Variants in ERBB4 observed in about 807,000 individuals in gnomAD.
The protein encoded by ERBB4 is erb-b2 receptor tyrosine kinase 4.
Under a neutral mutation model 158.0 loss-of-function variants are expected in ERBB4, and 42 were observed. The observed-to-expected ratio is 0.27, with a 90% CI of 0.21 to 0.34. The LOEUF (loss-of-function observed/expected upper bound fraction) is 0.34. Ranked by LOEUF, ERBB4 falls within the 10% of genes least tolerant of loss-of-function variation. The probability of loss-of-function intolerance (pLI) is 1.00; values close to 1 mark genes in which losing one functional copy is unlikely to be tolerated. For synonymous variants in ERBB4, 583 were observed against 558.7 expected, an observed-to-expected ratio of 1.04 and a Z score of -0.61; for missense variants, 1,333 against 1,624.1, an observed-to-expected ratio of 0.82 and a Z score of 3.08.
intron 1 of ERBB4, among the ~76,000 whole-genome samples, chr2:212,129,177 A>G (rs2080032464): frequency 6.6e-6 from 1 of 151,682 alleles, no homozygotes; most frequent in Non-Finnish European, 1.5e-5. Context: ...ATTGCAACCT[A>G]TATATAATTT....
At chr2:211,435,236 T>C (rs1247193060) in intron 20 of ERBB4, among the ~76,000 whole-genome samples, 3 of 152,216 alleles carry the variant, frequency 2.0e-5, no homozygotes, top group South Asian at 2.1e-4. Context: ...CCTCATACTC[T>C]GTGCTCTAGC....
chr2:211,663,903 T>C (rs1476096763), intron 15 of ERBB4, among the ~76,000 whole-genome samples: 2 of 152,154 alleles, frequency 1.3e-5, no homozygotes, highest in Non-Finnish European at 2.9e-5. Flanking sequence ...GTTGTTTTTT[T>C]TTGTGAAATA....
intron 20 of ERBB4, among the ~76,000 whole-genome samples, chr2:211,556,401 G>A (rs1484837952): frequency 6.6e-6 from 1 of 152,064 alleles, no homozygotes; most frequent in African/African-American, 2.4e-5. Flanking sequence ...CTTAACAAAG[G>A]TCTTCAGGAC....
intron 1 of ERBB4, among the ~76,000 whole-genome samples, chr2:212,256,510 G>A (rs552806118): frequency 2.0e-5 from 3 of 152,252 alleles, no homozygotes; most frequent in East Asian, 1.9e-4. Flanking sequence ...AGTTACATGC[G>A]TTCTTTTGGA....
chr2:212,275,235 G>T (rs62182623), intron 1 of ERBB4, among the ~76,000 whole-genome samples: 1 of 151,762 alleles, frequency 6.6e-6, no homozygotes, highest in African/African-American at 2.4e-5. Flanking sequence ...ATAAACATAC[G>T]TGTGTATGTC....
intron 19 of ERBB4, among the ~76,000 whole-genome samples, chr2:211,581,918 G>A (rs557048359): frequency 6.6e-6 from 1 of 152,174 alleles, no homozygotes; most frequent in South Asian, 2.1e-4. Flanking sequence ...GCTGAGGCAG[G>A]AGAATCACTT....
intron 20 of ERBB4, among the ~76,000 whole-genome samples, chr2:211,480,771 G>A (rs1384404703): frequency 1.3e-5 from 2 of 152,078 alleles, no homozygotes; most frequent in Non-Finnish European, 2.9e-5. Flanking sequence ...GGAGTGAAAT[G>A]TTTTGTTTAT....
At chr2:211,856,059 C>T (rs144106024) in intron 3 of ERBB4, among the ~76,000 whole-genome samples, 1 of 152,128 alleles carries the variant, frequency 6.6e-6, no homozygotes, top group African/African-American at 2.4e-5. Flanking sequence ...AAGAATTAAC[C>T]ACTACACAGT....
chr2:211,725,722 A>C (rs2074245666), intron 5 of ERBB4, among the ~76,000 whole-genome samples: 1 of 152,182 alleles, frequency 6.6e-6, no homozygotes, highest in Non-Finnish European at 1.5e-5. Context: ...AGGTCCTAGT[A>C]GAAGGTGTCC....
intron 2 of ERBB4, among the ~76,000 whole-genome samples, chr2:212,095,866 C>T (rs1400432558): frequency 6.9e-6 from 1 of 144,712 alleles, no homozygotes; most frequent in African/African-American, 2.5e-5. Context: ...ACCTGGGAGG[C>T]GGAGCTTGCA....
At chr2:212,509,244 G>A (rs1691368511) in intron 1 of ERBB4, among the ~76,000 whole-genome samples, 1 of 152,078 alleles carries the variant, frequency 6.6e-6, no homozygotes, top group Non-Finnish European at 1.5e-5. Context: ...ATCTCAGAGT[G>A]AAAATATGTG....
chr2:212,164,662 C>T (rs922677978), intron 1 of ERBB4, among the ~76,000 whole-genome samples: 2 of 149,524 alleles, frequency 1.3e-5, no homozygotes, highest in East Asian at 1.9e-4. Context: ...AGGTCTGATG[C>T]AATTCCTCAT....
At chr2:211,890,849 G>C (rs2078946274) in intron 3 of ERBB4, among the ~76,000 whole-genome samples, 1 of 65,388 alleles carries the variant, frequency 1.5e-5, no homozygotes, top group South Asian at 5.5e-4. Flanking sequence ...TCAACAAGAA[G>C]AGCTAACTAT....
At chr2:211,497,856 A>T (rs949861043) in intron 20 of ERBB4, among the ~76,000 whole-genome samples, 1 of 152,160 alleles carries the variant, frequency 6.6e-6, no homozygotes, top group African/African-American at 2.4e-5. Flanking sequence ...AAAGTTGCTT[A>T]ATTTTTCACA....
chr2:212,084,088 C>T (rs2078529649), intron 2 of ERBB4, among the ~76,000 whole-genome samples: 1 of 151,838 alleles, frequency 6.6e-6, no homozygotes, highest in East Asian at 1.9e-4. Context: ...TTTTGGATTA[C>T]CCATGGCACA....
rs143681770 is a variant in ERBB4, at chr2:211,959,296, C to T, written c.235-11680G>A. On this transcript the variant is annotated intron_variant, in intron 2 of 27. Coordinates refer to ENST00000342788, the MANE Select transcript of ERBB4 (RefSeq NM_005235.3). ...TACTTCCTTTATCATCTCCAATCTTCGTCTAATGACAAGATTGCCACTAAG... is the reference window on the plus strand; with the variant it reads ...TACTTCCTTTATCATCTCCAATCTTTGTCTAATGACAAGATTGCCACTAAG... Among the ~76,000 whole-genome samples the T allele has an allele frequency of 6.2e-3, 936 of 152,184 alleles. 8 individuals are homozygous for T. The highest frequency in any genetic ancestry group is 0.021 in the African/African-American group (874 of 41,546).
chr2:211,617,309 T>C (rs1574864023), intron 19 of ERBB4, among the ~76,000 whole-genome samples: 2 of 152,280 alleles, frequency 1.3e-5, no homozygotes, highest in African/African-American at 4.8e-5. Context: ...CTACTCTTTG[T>C]AATTTTCCTT....
intron 19 of ERBB4, among the ~76,000 whole-genome samples, chr2:211,595,628 C>G (rs1286842321): frequency 2.0e-5 from 3 of 151,942 alleles, no homozygotes; most frequent in African/African-American, 7.3e-5. Context: ...ACTAACAGAC[C>G]ACACAGAAAT....
intron 1 of ERBB4, among the ~76,000 whole-genome samples, chr2:212,164,087 C>T (rs1002305906): frequency 6.6e-6 from 1 of 151,964 alleles, no homozygotes; most frequent in African/African-American, 2.4e-5. Flanking sequence ...TAGGTGTGAG[C>T]CATCTTGCCT....
Sources: allele counts gnomAD v4.1 joint callset (sites outside exome capture counted in the v4.1 genomes callset), GRCh38; gene constraint gnomAD v4.1.1; transcripts MANE v1.5; gene names NCBI Gene and HGNC (gene_info 2026-07-23, HGNC 2026-07-21).